Variants in CSPP1 observed in about 807,000 individuals in gnomAD.
CSPP1 encodes the protein centrosome and spindle pole-associated protein 1.
In CSPP1, 126 loss-of-function variants were observed where a neutral mutation model predicts 164.4. The ratio of observed to expected loss-of-function variants is 0.77; its 90% confidence interval spans 0.66 to 0.89. CSPP1 has a LOEUF of 0.89. Among genes scored for constraint, CSPP1 ranks in the 40% least tolerant of loss-of-function variants. The pLI is 0.00. For synonymous variants in CSPP1, 472 were observed against 476.7 expected, an observed-to-expected ratio of 0.99 and a Z score of 0.13; for missense variants, 1,395 against 1,449.8, an observed-to-expected ratio of 0.96 and a Z score of 0.61.
In CSPP1 at chr8:67,095,384, C is replaced by T; in HGVS notation, c.575C>T (p.Pro192Leu). ...IQTSCENSEGPRKDVLTPSEA... is the reference protein window; with the variant it reads ...IQTSCENSEGLRKDVLTPSEA... Reference sequence around the variant, plus strand: ...ACATCTTGTGAAAATTCAGAGGGTCCTAGAAAAGATGTCTTAACTCCTTCA... The same window carrying T: ...ACATCTTGTGAAAATTCAGAGGGTCTTAGAAAAGATGTCTTAACTCCTTCA... The change falls in exon 7 of 31, where the codon CCT becomes CTT. Residue 192 changes from proline (P) to leucine (L), a missense_variant. Physicochemically the swap from Pro to Leu is moderately conservative, Grantham distance 98. Transcript: ENST00000678616. 1 of 1,612,258 alleles carries T rather than the reference C, an allele frequency of 6.2e-7. No individual in the cohort carries two copies. Among genetic ancestry groups the T allele is most frequent in the Non-Finnish European group, 8.5e-7 (1 of 1,179,372 alleles).
At chr8:67,093,224 G>A (rs1811990376) in intron 5 of CSPP1, among the ~76,000 whole-genome samples, 1 of 152,148 alleles carries the variant, frequency 6.6e-6, no homozygotes, top group Non-Finnish European at 1.5e-5. Flanking sequence ...GTTAACTATT[G>A]GAGTGTAAAA....
intron 12 of CSPP1, among the ~76,000 whole-genome samples, chr8:67,115,455 G>A (rs574632876): frequency 3.3e-5 from 5 of 152,068 alleles, no homozygotes; most frequent in Non-Finnish European, 5.9e-5. Flanking sequence ...CGAGGTGGTC[G>A]GATCACTTGA....
At chr8:67,177,542 C>A in intron 26 of CSPP1, 138 bp from the exon 27 acceptor site, 1 of 601,490 alleles carries the variant, frequency 1.7e-6, no homozygotes, top group East Asian at 2.8e-5. Context: ...TAAGTGATAT[C>A]TTTAAAATAC....
chr8:67,119,442 T>C (rs1818563689), intron 15 of CSPP1, among the ~76,000 whole-genome samples: 3 of 152,184 alleles, frequency 2.0e-5, no homozygotes, highest in Non-Finnish European at 4.4e-5. Flanking sequence ...TAATTCTATG[T>C]TTAATTTTTT....
At chr8:67,066,727 A>T (rs1250657048) in intron 1 of CSPP1, among the ~76,000 whole-genome samples, 1 of 152,046 alleles carries the variant, frequency 6.6e-6, no homozygotes, top group Admixed American at 6.6e-5. Context: ...AATCATGTTT[A>T]TATATATACA....
chr8:67,164,885 G>C (rs1829013080), intron 24 of CSPP1, among the ~76,000 whole-genome samples: 1 of 152,148 alleles, frequency 6.6e-6, no homozygotes, highest in Non-Finnish European at 1.5e-5. Flanking sequence ...ACTTCAGTTT[G>C]CACTGTTTTA....
rs1442415319 is a variant in CSPP1 at position 67,161,841 on chromosome 8, G to A, written c.2569G>A (p.Ala857Thr). The change falls in exon 22 of 31, where the codon GCT (alanine) becomes ACT (threonine). Residue 857 changes from alanine (A) to threonine (T), a missense_variant. Ala to Thr is a moderately conservative substitution (Grantham distance 58, BLOSUM62 0). Transcript: ENST00000678616. ...HMRQPSPIVP[A>T]LQNKIASKLQ... Reference sequence around the variant, plus strand: ...GAGACAGCCTTCTCCTATAGTTCCTGCTCTTCAGAACAAAATTGCAAGCAA... The same window carrying A: ...GAGACAGCCTTCTCCTATAGTTCCTACTCTTCAGAACAAAATTGCAAGCAA... The A allele has an allele frequency of 6.2e-7, 1 of 1,613,258 alleles. No individual in the cohort carries two copies. Among genetic ancestry groups the A allele is most frequent in the Non-Finnish European group, 8.5e-7 (1 of 1,179,760 alleles).
At chr8:67,126,003 T>C (rs1031913326) in intron 15 of CSPP1, among the ~76,000 whole-genome samples, 4 of 152,126 alleles carry the variant, frequency 2.6e-5, no homozygotes, top group Non-Finnish European at 4.4e-5. Flanking sequence ...TGGTTAATTG[T>C]GTATTTTTGC....
chr8:67,064,553 G>T lies in CSPP1; in HGVS notation c.-11+15G>T, dbSNP rs1805112388. 1.8e-5 allele frequency: 28 copies of T among 1,594,284 alleles called. 1 individual carries two copies. The highest frequency in any genetic ancestry group is 2.3e-5 in the Non-Finnish European group (27 of 1,172,414). ...TGAGTGGCGAGGTGTGGCCTGGGGT[G>T]GTGTAGGTTGAGGGTGGAGGGTCCT... On this transcript the variant is annotated intron_variant, in intron 1 of 30. Transcript: ENST00000678616.
At chr8:67,159,786 T>G (rs1827406032) in intron 21 of CSPP1, among the ~76,000 whole-genome samples, 3 of 151,064 alleles carry the variant, frequency 2.0e-5, no homozygotes, top group Non-Finnish European at 3.0e-5. Flanking sequence ...CCTCCCAGAG[T>G]GCTGAGATTA....
chr8:67,072,580 G>A (rs1807042290), intron 1 of CSPP1, among the ~76,000 whole-genome samples: 6 of 151,586 alleles, frequency 4.0e-5, no homozygotes, highest in Admixed American at 3.9e-4. Flanking sequence ...CCTGTAGTTG[G>A]AACACTTTGG....
intron 10 of CSPP1, among the ~76,000 whole-genome samples, chr8:67,112,958 T>G (rs1300199033): frequency 6.6e-6 from 1 of 152,186 alleles, no homozygotes; most frequent in African/African-American, 2.4e-5. Flanking sequence ...AAATATAGCT[T>G]AAAATTAGAA....
rs548744183 is a variant in CSPP1 at position 67,181,791 on chromosome 8, A to G, written c.3220+1865A>G. Among the ~76,000 whole-genome samples, 5 of 152,306 alleles carry G rather than the reference A, an allele frequency of 3.3e-5. No homozygotes were observed. In the South Asian group the frequency reaches 1.0e-3, roughly 32 times the overall value. On this transcript the variant is annotated intron_variant, in intron 28 of 30. Coordinates refer to ENST00000678616, the MANE Select transcript of CSPP1 (RefSeq NM_001382391.1). ...TCATCCATCTCCAGAATTCATCTTGAAAATAGAAACTCTTCATATGAAACA... is the reference window on the plus strand; with the variant it reads ...TCATCCATCTCCAGAATTCATCTTGGAAATAGAAACTCTTCATATGAAACA...
At chr8:67,150,392 G>T (rs1825481418) in intron 18 of CSPP1, among the ~76,000 whole-genome samples, 1 of 151,906 alleles carries the variant, frequency 6.6e-6, no homozygotes, top group African/African-American at 2.4e-5. Flanking sequence ...AGTGTACAAA[G>T]AAATGAAGCA....
intron 3 of CSPP1, chr8:67,080,882 C>T (rs921804625): frequency 6.6e-6 from 1 of 152,192 alleles, no homozygotes; most frequent in African/African-American, 2.4e-5. Flanking sequence ...TCAGCCTCAC[C>T]TAAGCCTGAG....
intron 21 of CSPP1, among the ~76,000 whole-genome samples, chr8:67,159,852 T>TTCTTTC (rs1554605176): frequency 1.9e-4 from 9 of 47,596 alleles, no homozygotes; most frequent in Admixed American, 2.6e-4. Flanking sequence ...CTTTCTTTCT[T>TTCTTTC]TTTCTTTCTT....
chr8:67,145,097 G>A (rs1487158513), intron 17 of CSPP1, among the ~76,000 whole-genome samples: 2 of 151,524 alleles, frequency 1.3e-5, no homozygotes, highest in East Asian at 3.9e-4. Context: ...AGCCATCTGG[G>A]TGGGGAATCT....
intron 24 of CSPP1, among the ~76,000 whole-genome samples, chr8:67,168,165 C>T (rs1185182779): frequency 5.9e-5 from 9 of 152,136 alleles, no homozygotes; most frequent in East Asian, 1.9e-4. Flanking sequence ...GGCGTGGTGG[C>T]GCGCGCCTAT....
In CSPP1 at chr8:67,166,774, G is replaced by A. The variant is rs1057488553; in HGVS notation, c.2828+2266G>A. ...TCATTCTTGGGTGTTTCTCGCAGAGGGGGATTTTGTAGGGTCATAGGACAA... is the reference window on the plus strand; with the variant it reads ...TCATTCTTGGGTGTTTCTCGCAGAGAGGGATTTTGTAGGGTCATAGGACAA... On this transcript the variant is annotated intron_variant, in intron 24 of 30. Coordinates refer to ENST00000678616, the MANE Select transcript of CSPP1 (RefSeq NM_001382391.1). Among the ~76,000 whole-genome samples, 13 of 151,916 alleles carry A rather than the reference G, an allele frequency of 8.6e-5. No individual in the cohort carries two copies. The South Asian group carries it at 2.7e-3, about 32-fold the overall frequency.
Sources: allele counts gnomAD v4.1 joint callset (sites outside exome capture counted in the v4.1 genomes callset), GRCh38; gene constraint gnomAD v4.1.1; transcripts MANE v1.5; gene names NCBI Gene and HGNC (gene_info 2026-07-23, HGNC 2026-07-21).